DAB2IP: variants seen among roughly 807,000 people sequenced by gnomAD.
DAB2IP encodes the protein DAB2 interacting protein.
In DAB2IP, 28 loss-of-function variants were observed where a neutral mutation model predicts 107.2. The observed-to-expected ratio is 0.26, with a 90% CI of 0.19 to 0.36. The LOEUF (loss-of-function observed/expected upper bound fraction) is 0.36, where lower values mean the gene tolerates loss of function less well. Among genes scored for constraint, DAB2IP ranks in the 10% least tolerant of loss-of-function variants. The probability of loss-of-function intolerance (pLI) is 1.00; values close to 1 mark genes in which losing one functional copy is unlikely to be tolerated. For missense variants in DAB2IP, 1,400 were observed against 1,644.7 expected (o/e 0.85, Z 2.57); for synonymous variants, 755 against 706.4 (o/e 1.07, Z -1.09).
chr9:121,738,047 A>AG (rs1832053259), intron 3 of DAB2IP, among the ~76,000 whole-genome samples: 1 of 147,184 alleles, frequency 6.8e-6, no homozygotes, highest in South Asian at 2.1e-4. Context: ...GGAGGTGGGG[A>AG]GGTGGGCTGG....
chr9:121,771,063 CCT>C (rs1426053716), intron 11 of DAB2IP, among the ~76,000 whole-genome samples: 3 of 152,174 alleles, frequency 2.0e-5, no homozygotes, highest in African/African-American at 4.8e-5. Context: ...TTCCAGATCC[CCT>C]GATATTTGTT....
At chr9:121,577,772 G>A (rs1347321368) in intron 1 of DAB2IP, among the ~76,000 whole-genome samples, 1 of 151,510 alleles carries the variant, frequency 6.6e-6, no homozygotes, top group African/African-American at 2.4e-5. Flanking sequence ...GCTCTTAGGT[G>A]GCGGTGGAGG....
chr9:121,740,460 A>G (rs1226780712), intron 3 of DAB2IP, among the ~76,000 whole-genome samples: 3 of 152,068 alleles, frequency 2.0e-5, no homozygotes, highest in Non-Finnish European at 4.4e-5. Context: ...GGCTTACCTC[A>G]AGTGTCTTTC....
In DAB2IP at chr9:121,676,635, G is replaced by GCACACACACA. The variant is rs35324441; in HGVS notation, c.125-2035_125-2026dup. Among the ~76,000 whole-genome samples the GCACACACACA allele has an allele frequency of 6.3e-3, 944 of 150,532 alleles. 8 individuals carry two copies. Among genetic ancestry groups the GCACACACACA allele is most frequent in the African/African-American group, 0.021 (867 of 40,914 alleles). The stretch of plus-strand genomic sequence containing the variant: ...CGTAGGTGTTAGGAGTTCTGCAGAC[G>GCACACACACA]CACACACACACACACACTCACACAC... On this transcript the variant is annotated intron_variant, in intron 1 of 15. Coordinates refer to ENST00000408936, the Ensembl canonical transcript of DAB2IP.
At chr9:121,630,132 A>T (rs745979969) in intron 1 of DAB2IP, among the ~76,000 whole-genome samples, 1 of 152,200 alleles carries the variant, frequency 6.6e-6, no homozygotes, top group Non-Finnish European at 1.5e-5. Flanking sequence ...GGACCTGATA[A>T]TAGGACATGA....
chr9:121,592,885 T>C (rs1830445410), intron 1 of DAB2IP, among the ~76,000 whole-genome samples: 1 of 152,114 alleles, frequency 6.6e-6, no homozygotes, highest in Non-Finnish European at 1.5e-5. Context: ...GAGAACAGAC[T>C]GGAGGGTGCC....
At chr9:121,644,337 C>G (rs567683669) in intron 1 of DAB2IP, among the ~76,000 whole-genome samples, 5 of 152,186 alleles carry the variant, frequency 3.3e-5, no homozygotes, top group Non-Finnish European at 5.9e-5. Context: ...TGGCTCATGC[C>G]TGTAATCCCA....
chr9:121,628,116 C>T (rs1831735132), intron 1 of DAB2IP, among the ~76,000 whole-genome samples: 1 of 152,220 alleles, frequency 6.6e-6, no homozygotes, highest in Non-Finnish European at 1.5e-5. Context: ...TTGCCTTGGC[C>T]TTGGGCTTGG....
Position 121,644,216 on chromosome 9 carries a change from A to AGGAAGG in DAB2IP, c.41-34450_41-34445dup, listed in dbSNP as rs879858247. On this transcript the variant is annotated intron_variant, in intron 1 of 16. Coordinates refer to the DAB2IP transcript ENST00000259371. ...GAGGAAGAAGAGGAAGAAGAGGAAG[A>AGGAAGG]GGAAGGGGAAGGGGAAGAGGAAGGA... is the stretch of plus-strand genomic sequence containing the variant. Among the ~76,000 whole-genome samples the AGGAAGG allele has an allele frequency of 4.1e-3, 619 of 151,286 alleles. 4 individuals carry two copies. Among genetic ancestry groups the AGGAAGG allele is most frequent in the South Asian group, 0.031 (149 of 4,740 alleles).
rs533607435 is a variant in DAB2IP at position 121,771,064 on chromosome 9, C to G, written c.2078+340C>G. On this transcript the variant is annotated intron_variant, in intron 11 of 15. Transcript: ENST00000408936. ...AATACCCCCAGCATTTCCAGATCCC[C>G]TGATATTTGTTAAAAATACACATGT... 5.3e-5 allele frequency among the ~76,000 whole-genome samples: 8 copies of G among 152,306 alleles called. No individual in the cohort carries two copies. In the South Asian group the frequency reaches 1.7e-3, roughly 32 times the overall value.
chr9:121,758,935 G>A (rs1180875353), exon 5 of DAB2IP: 3 of 1,613,756 alleles, frequency 1.9e-6, no homozygotes, highest in South Asian at 1.1e-5. Context: ...TTTTCCTGCC[G>A]GTCTGCAGCT....
intron 9 of DAB2IP, among the ~76,000 whole-genome samples, chr9:121,767,054 T>C (rs2118992888): frequency 6.6e-6 from 1 of 152,354 alleles, no homozygotes; most frequent in East Asian, 1.9e-4. Flanking sequence ...TAAGCCCTGT[T>C]TTGAAATAAA....
chr9:121,708,568 C>T (rs2118768199), intron 3 of DAB2IP, among the ~76,000 whole-genome samples: 1 of 152,270 alleles, frequency 6.6e-6, no homozygotes, highest in East Asian at 1.9e-4. Context: ...GGTGAAGGGG[C>T]AGAGGCAAGG....
chr9:121,708,496 G>A (rs1830168834), intron 3 of DAB2IP, among the ~76,000 whole-genome samples: 1 of 152,194 alleles, frequency 6.6e-6, no homozygotes, highest in Admixed American at 6.5e-5. Context: ...AGGGTGCTTG[G>A]AACAGTCAGG....
chr9:121,745,113 C>T (rs76235625), intron 3 of DAB2IP, among the ~76,000 whole-genome samples: 4,152 of 152,220 alleles, frequency 0.027, 186 homozygotes, highest in African/African-American at 0.093. Context: ...AAAGGGCAGA[C>T]GGTGAAGTCT....
At position 121,760,187 on chromosome 9, in the gene DAB2IP, C is replaced by T. The variant is rs766070859; in HGVS notation, c.918C>T (p.Phe306=). The T allele has an allele frequency of 1.1e-5, 17 of 1,613,702 alleles. No homozygotes were observed. The Middle Eastern group carries it at 4.9e-4, about 47-fold the overall frequency. Residue 306 remains phenylalanine, a synonymous_variant, in exon 6 of 16, where the codon TTC becomes TTT. Transcript: ENST00000408936. This position sits in a 1 kb window ranked among gnomAD's most constrained non-coding sequence, Gnocchi z 5.9. ...CTGCCTCGGTGGCCGGGCGGCAGTTCGTGGAGAAGTGGTACCCGGTGGTGA... is the reference window on the plus strand; with the variant it reads ...CTGCCTCGGTGGCCGGGCGGCAGTTTGTGGAGAAGTGGTACCCGGTGGTGA...
At chr9:121,717,634 T>A (rs1830681802) in intron 3 of DAB2IP, among the ~76,000 whole-genome samples, 1 of 152,200 alleles carries the variant, frequency 6.6e-6, no homozygotes, top group South Asian at 2.1e-4. Flanking sequence ...TCTCTACCCA[T>A]AGTTCTGGCT....
At chr9:121,764,987 A>T (rs998191383) in intron 8 of DAB2IP, among the ~76,000 whole-genome samples, 35 of 152,188 alleles carry the variant, frequency 2.3e-4, no homozygotes, top group African/African-American at 8.2e-4. Flanking sequence ...CTCCCCAAGG[A>T]CAAGAAAAGG....
chr9:121,668,255 C>T (rs914494221), intron 1 of DAB2IP, among the ~76,000 whole-genome samples: 1 of 149,522 alleles, frequency 6.7e-6, no homozygotes, highest in African/African-American at 2.5e-5. Flanking sequence ...TGCAGTGGCA[C>T]GATCTCCACT....
Sources: gnomAD v4.1 joint callset for allele counts (sites outside exome capture counted in the v4.1 genomes callset) on GRCh38, gnomAD v4.1.1 for gene constraint, Gnocchi (gnomAD v3.1) non-coding constraint, MANE v1.5 for transcripts, NCBI Gene and HGNC (gene_info 2026-07-23, HGNC 2026-07-21) for gene names.